Variants in CERS5 observed in about 807,000 individuals in gnomAD.
CERS5 encodes the protein LAG1 homolog, ceramide synthase 5.
Under a neutral mutation model 58.9 loss-of-function variants are expected in CERS5, and 37 were observed. The observed-to-expected ratio is 0.63, with a 90% CI of 0.48 to 0.83. The LOEUF is 0.83. Among genes scored for constraint, CERS5 ranks in the 40% least tolerant of loss-of-function variants. The pLI is 0.00. For missense variants in CERS5, 398 were observed against 489.3 expected, an observed-to-expected ratio of 0.81 and a Z score of 1.76; for synonymous variants, 147 against 177.8, an observed-to-expected ratio of 0.83 and a Z score of 1.38.
chr12:50,143,235 C>T (rs376595608), intron 2 of CERS5, 31 bp from the exon 3 acceptor site: 48 of 1,613,304 alleles, frequency 3.0e-5, no homozygotes, highest in South Asian at 6.6e-5. Flanking sequence ...TCAGAACACC[C>T]GTCTCCTCAT....
At chr12:50,131,287 G>A (rs906873319) in intron 9 of CERS5, among the ~76,000 whole-genome samples, 3 of 152,026 alleles carry the variant, frequency 2.0e-5, no homozygotes, top group Admixed American at 6.6e-5. Context: ...CTGGCTGGGC[G>A]TGGTGGCTCA....
intron 1 of CERS5, chr12:50,154,338 CT>C: frequency 5.7e-6 from 1 of 174,956 alleles, no homozygotes; most frequent in Non-Finnish European, 1.3e-5. Flanking sequence ...CAGAGCAAGA[CT>C]CCGTCTCAAA....
chr12:50,163,683 T>A lies in CERS5; in HGVS notation c.197+3418A>T, dbSNP rs550671389. Among the ~76,000 whole-genome samples, 7 of 152,188 alleles carry A rather than the reference T, an allele frequency of 4.6e-5. No homozygotes were observed. The South Asian group carries it at 1.5e-3, about 32-fold the overall frequency. On this transcript the variant is annotated intron_variant, in intron 1 of 9. Coordinates refer to ENST00000317551, the MANE Select transcript of CERS5 (RefSeq NM_147190.5). ...TTTTCTGAGACAGGGTCTCACTCTA[T>A]CACCCAGGCTGAAGTACAGTGGTTT...
chr12:50,134,096 A>G (rs1951494168), intron 9 of CERS5: 1 of 153,420 alleles, frequency 6.5e-6, no homozygotes, highest in African/African-American at 3.0e-5. Flanking sequence ...AAAAGGTAAA[A>G]CAGGCTTGGT....
intron 9 of CERS5, chr12:50,133,489 C>T (rs921578501): frequency 1.2e-4 from 118 of 991,236 alleles, no homozygotes; most frequent in Non-Finnish European, 1.4e-4. Flanking sequence ...TCTTGAATAT[C>T]ACAGCATGGT....
chr12:50,135,388 G>T (rs1462681518), intron 8 of CERS5: 1 of 463,836 alleles, frequency 2.2e-6, no homozygotes, highest in Non-Finnish European at 4.2e-6. Flanking sequence ...AGCAAGAAGG[G>T]ACTGAGAATT....
chr12:50,159,116 T>TA (rs1938982467), intron 1 of CERS5, among the ~76,000 whole-genome samples: 2 of 152,076 alleles, frequency 1.3e-5, no homozygotes, highest in Admixed American at 1.3e-4. Context: ...GGTCAGGAGA[T>TA]AGAGACCATC....
In CERS5 at chr12:50,151,157, A is replaced by C. The variant is rs192497163; in HGVS notation, c.198-7100T>G. On this transcript the variant is annotated intron_variant, in intron 1 of 9. Coordinates refer to ENST00000317551, the MANE Select transcript of CERS5 (RefSeq NM_147190.5). The stretch of plus-strand genomic sequence containing the variant: ...TGGCCTTCCCCAAACTCACAACTAA[A>C]CTCCCACACATTCCTCAACTCTCCT... Among the ~76,000 whole-genome samples, 6 of 147,712 alleles carry C rather than the reference A, an allele frequency of 4.1e-5. No individual in the cohort carries two copies. In the East Asian group the frequency reaches 1.2e-3, roughly 30 times the overall value.
intron 1 of CERS5, 168 bp from the exon 2 acceptor site, chr12:50,144,225 T>C: frequency 1.9e-6 from 1 of 539,334 alleles, no homozygotes; most frequent in Non-Finnish European, 3.3e-6. Flanking sequence ...TTTCAACATT[T>C]ATCACTTCTT....
intron 9 of CERS5, chr12:50,134,320 G>A: frequency 8.6e-7 from 1 of 1,163,806 alleles, no homozygotes; most frequent in South Asian, 1.6e-5. Context: ...GCTGCAGTAA[G>A]CTATGATCAT....
At chr12:50,155,201 G>A (rs532096946) in intron 1 of CERS5, among the ~76,000 whole-genome samples, 1 of 152,186 alleles carries the variant, frequency 6.6e-6, no homozygotes, top group African/African-American at 2.4e-5. Context: ...ATATGGTAAA[G>A]TTGATGGGTA....
chr12:50,130,922 C>G (rs1365296773), intron 9 of CERS5, among the ~76,000 whole-genome samples: 2 of 152,190 alleles, frequency 1.3e-5, no homozygotes, highest in Non-Finnish European at 2.9e-5. Flanking sequence ...ATTGAAGCTA[C>G]TTTGGTAGAG....
At chr12:50,134,758 T>A in intron 8 of CERS5, 56 bp from the exon 9 acceptor site, 4 of 1,517,742 alleles carry the variant, frequency 2.6e-6, no homozygotes, top group Non-Finnish European at 3.6e-6. Flanking sequence ...CAGACAGGGA[T>A]GAAGCTGAGT....
At chr12:50,139,548 C>T (rs944092687) in intron 4 of CERS5, among the ~76,000 whole-genome samples, 4 of 152,012 alleles carry the variant, frequency 2.6e-5, no homozygotes, top group African/African-American at 9.7e-5. Flanking sequence ...AATCCCAGCA[C>T]TTTGGGAGGT....
intron 9 of CERS5, 69 bp downstream of exon 9, chr12:50,134,475 GGA>G: frequency 6.2e-7 from 1 of 1,612,360 alleles, no homozygotes; most frequent in Non-Finnish European, 8.5e-7. Context: ...CAGGTTTGAT[GGA>G]GAGAGAACGT....
intron 1 of CERS5, among the ~76,000 whole-genome samples, chr12:50,150,110 G>T (rs1486809399): frequency 6.6e-6 from 1 of 152,102 alleles, no homozygotes; most frequent in Non-Finnish European, 1.5e-5. Context: ...ATCAATTTCT[G>T]GAAAAATATA....
At chr12:50,165,969 C>G in intron 1 of CERS5, 1 of 454,154 alleles carries the variant, frequency 2.2e-6, no homozygotes, top group Non-Finnish European at 4.4e-6. Flanking sequence ...GATCCATTCA[C>G]TTAAAGGTGA....
intron 1 of CERS5, among the ~76,000 whole-genome samples, chr12:50,162,736 T>C (rs1480075830): frequency 6.6e-6 from 1 of 152,076 alleles, no homozygotes; most frequent in African/African-American, 2.4e-5. Flanking sequence ...CCCAAGTAGC[T>C]GGGATTATAG....
chr12:50,144,740 A>C (rs964149741), intron 1 of CERS5: 8 of 1,321,866 alleles, frequency 6.1e-6, no homozygotes, highest in Middle Eastern at 1.8e-4. Flanking sequence ...TCTACTAATA[A>C]GGCATATAAA....
Sources: allele counts gnomAD v4.1 joint callset (sites outside exome capture counted in the v4.1 genomes callset), GRCh38; gene constraint gnomAD v4.1.1; transcripts MANE v1.5; gene names NCBI Gene and HGNC (gene_info 2026-07-23, HGNC 2026-07-21).